The following MTHFD2L variants were observed in gnomAD, a reference collection of about 807,000 sequenced individuals.
MTHFD2L encodes methylenetetrahydrofolate dehydrogenase (NADP+ dependent) 2 like.
In MTHFD2L, 29 loss-of-function variants were observed where a neutral mutation model predicts 34.9. The observed-to-expected ratio is 0.83, with a 90% CI of 0.62 to 1.13. The LOEUF (loss-of-function observed/expected upper bound fraction) is 1.13. Ranked by LOEUF, MTHFD2L falls within the 50% of genes most tolerant of loss-of-function variation. The pLI is 0.00. For synonymous variants in MTHFD2L, 167 were observed against 155.7 expected (o/e 1.07, Z -0.54); for missense variants, 481 against 446.5 (o/e 1.08, Z -0.70).
Position 74,215,634 on chromosome 4 carries a change from C to T in MTHFD2L, c.713-9668C>T, listed in dbSNP as rs571795046. ...CTGGGAGCTGCAGACTGGAGCTGCT[C>T]CTATTTGGCCATCTTGCCAGTCACC... is the stretch of plus-strand genomic sequence containing the variant. On this transcript the variant is annotated intron_variant, in intron 5 of 7. Coordinates refer to ENST00000325278, the MANE Select transcript of MTHFD2L (RefSeq NM_001144978.3). Among the ~76,000 whole-genome samples, 6 of 151,820 alleles carry T rather than the reference C, an allele frequency of 4.0e-5. No individual in the cohort carries two copies. The East Asian group carries it at 9.6e-4, about 24-fold the overall frequency.
rs187290853 is a variant in MTHFD2L, at chr4:74,165,007, T to G, written c.143+6726T>G. 1.7e-4 allele frequency: 170 copies of G among 985,306 alleles called. No individual in the cohort carries two copies. The African/African-American group carries it at 2.8e-3, about 16-fold the overall frequency. 61.0% of individuals were successfully genotyped at this position (985,306 alleles called of 1,614,324 possible). A position where few individuals can be genotyped will look rare whatever the true frequency, so the allele number is the denominator to read the frequency against. On this transcript the variant is annotated intron_variant, in intron 1 of 7. Coordinates refer to ENST00000325278, the MANE Select transcript of MTHFD2L (RefSeq NM_001144978.3). Reference sequence around the variant, plus strand: ...CAATATCTAAGGGGTCAAATGGATTTTATTTTTGATATGCATTAATGGCAA... The same window carrying G: ...CAATATCTAAGGGGTCAAATGGATTGTATTTTTGATATGCATTAATGGCAA...
chr4:74,180,325 C>T (rs563493363), intron 3 of MTHFD2L, among the ~76,000 whole-genome samples: 13 of 152,138 alleles, frequency 8.5e-5, no homozygotes, highest in African/African-American at 2.6e-4. Flanking sequence ...TCTCATAAGA[C>T]TGTTATAATG....
Position 74,188,267 on chromosome 4 carries a change from T to C in MTHFD2L, c.452-11527T>C, listed in dbSNP as rs1731720266. Among the ~76,000 whole-genome samples the C allele has an allele frequency of 1.3e-5, 2 of 152,224 alleles. 1 individual carries two copies. Among genetic ancestry groups the C allele is most frequent in the South Asian group, 4.1e-4 (2 of 4,834 alleles). ...AGCAGAAATGTATTTTCTCACAGTC[T>C]GGAGGCTGAAAGTGTGCAATCACGG... On this transcript the variant is annotated intron_variant, in intron 3 of 7. Transcript: ENST00000325278.
At chr4:74,213,207 A>G (rs1736646610) in intron 5 of MTHFD2L, among the ~76,000 whole-genome samples, 1 of 152,024 alleles carries the variant, frequency 6.6e-6, no homozygotes, top group Non-Finnish European at 1.5e-5. Flanking sequence ...TTTAAGTTTA[A>G]TATTGTTATG....
At chr4:74,235,847 A>G (rs1353749953) in intron 6 of MTHFD2L, among the ~76,000 whole-genome samples, 1 of 152,100 alleles carries the variant, frequency 6.6e-6, no homozygotes, top group African/African-American at 2.4e-5. Context: ...TTCTTTTGTT[A>G]CCCCGACCTT....
chr4:74,268,843 A>G (rs990657003), intron 6 of MTHFD2L, among the ~76,000 whole-genome samples: 12 of 152,216 alleles, frequency 7.9e-5, no homozygotes, highest in Admixed American at 6.5e-5. Flanking sequence ...ACACCTTCAC[A>G]TTAGGGAAAG....
chr4:74,209,241 G>A (rs1380537193), intron 5 of MTHFD2L, among the ~76,000 whole-genome samples: 1 of 152,126 alleles, frequency 6.6e-6, no homozygotes. Flanking sequence ...TGTGCAGAAC[G>A]TGCAGGTTTG....
chr4:74,252,216 A>G, intron 6 of MTHFD2L, among the ~76,000 whole-genome samples: 1 of 152,230 alleles, frequency 6.6e-6, no homozygotes, highest in Non-Finnish European at 1.5e-5. Context: ...CTAAGCAAGA[A>G]CAAGTCTAGA....
chr4:74,269,650 A>G (rs1022736692), intron 6 of MTHFD2L, among the ~76,000 whole-genome samples: 1 of 152,158 alleles, frequency 6.6e-6, no homozygotes, highest in African/African-American at 2.4e-5. Flanking sequence ...ATGGACCAGC[A>G]TAACATAAAA....
intron 6 of MTHFD2L, among the ~76,000 whole-genome samples, chr4:74,259,825 G>C (rs184473589): frequency 6.6e-6 from 1 of 152,182 alleles, no homozygotes; most frequent in Admixed American, 6.5e-5. Context: ...CCTACAAGGA[G>C]GCTTGAATAT....
intron 6 of MTHFD2L, among the ~76,000 whole-genome samples, chr4:74,279,800 TAAGTTCTATATCAC>T (rs1468833557): frequency 6.6e-6 from 1 of 152,142 alleles, no homozygotes; most frequent in Non-Finnish European, 1.5e-5. Flanking sequence ...ATAAAAAAGA[TAAGTTCTATATCAC>T]AGGATAGGAA....
chr4:74,283,214 A>G (rs1747720666), intron 7 of MTHFD2L, among the ~76,000 whole-genome samples: 1 of 152,142 alleles, frequency 6.6e-6, no homozygotes, highest in African/African-American at 2.4e-5. Context: ...CACATTTTAC[A>G]AGACTCTTCT....
At chr4:74,209,438 T>C (rs1197456238) in intron 5 of MTHFD2L, among the ~76,000 whole-genome samples, 1 of 152,162 alleles carries the variant, frequency 6.6e-6, no homozygotes, top group Non-Finnish European at 1.5e-5. Context: ...AATGGGAACA[T>C]GTGGTGTTTG....
chr4:74,280,119 G>A (rs1257805416), intron 6 of MTHFD2L: 2 of 152,086 alleles, frequency 1.3e-5, no homozygotes, highest in African/African-American at 2.4e-5. Flanking sequence ...TCCACTAGAA[G>A]CATTGTGATA....
intron 2 of MTHFD2L, 29 bp downstream of exon 2, chr4:74,174,719 A>G: frequency 7.5e-7 from 1 of 1,335,566 alleles, no homozygotes; most frequent in South Asian, 2.3e-5. Flanking sequence ...TGTAATTACT[A>G]CTAAATATGT....
chr4:74,138,629 A>G (rs1484217266), intron 1 of MTHFD2L, among the ~76,000 whole-genome samples: 3 of 152,148 alleles, frequency 2.0e-5, no homozygotes, highest in Admixed American at 2.0e-4. Flanking sequence ...AGCGCAGCAG[A>G]CACCCTGCTG....
chr4:74,269,184 A>G (rs1403885909), intron 6 of MTHFD2L, among the ~76,000 whole-genome samples: 2 of 152,278 alleles, frequency 1.3e-5, no homozygotes, highest in South Asian at 2.1e-4. Flanking sequence ...TATCATCTCA[A>G]TTACTTTTGA....
rs113509554 is a variant in MTHFD2L, at chr4:74,282,108, A to T, written c.931+558A>T. ...GGTCGATGAAAGATACAAGGCAACA[A>T]ATATGTAGTAGTAAAAAAAAAATTC... On this transcript the variant is annotated intron_variant, in intron 7 of 7. Transcript: ENST00000325278. Among the ~76,000 whole-genome samples, 841 of 152,194 alleles carry T rather than the reference A, an allele frequency of 5.5e-3. 4 individuals carry two copies. The highest frequency in any genetic ancestry group is 0.019 in the African/African-American group (805 of 41,528).
chr4:74,246,794 T>G (rs868784927), intron 6 of MTHFD2L, among the ~76,000 whole-genome samples: 18 of 152,278 alleles, frequency 1.2e-4, no homozygotes, highest in Admixed American at 2.0e-4. Flanking sequence ...GGAGTAGATA[T>G]GCGGCATTAT....
Sources: gnomAD v4.1 joint callset for allele counts (sites outside exome capture counted in the v4.1 genomes callset) on GRCh38, gnomAD v4.1.1 for gene constraint, MANE v1.5 for transcripts, NCBI Gene and HGNC (gene_info 2026-07-23, HGNC 2026-07-21) for gene names.